SMYD3: variants seen among roughly 807,000 people sequenced by gnomAD.
SMYD3 encodes SET and MYND domain containing 3, also known as histone-lysine N-methyltransferase SMYD3.
A neutral mutation model predicts 57.7 loss-of-function variants in SMYD3; 36 were observed. That is an observed-to-expected ratio of 0.62 (90% CI 0.48 to 0.82). The LOEUF is 0.82. Ranked by LOEUF, SMYD3 falls within the 40% of genes least tolerant of loss-of-function variation. The pLI, the probability that SMYD3 is intolerant of heterozygous loss-of-function variation, is 0.00. For missense variants in SMYD3, 515 were observed against 538.8 expected, an observed-to-expected ratio of 0.96 and a Z score of 0.44; for synonymous variants, 211 against 195.0, an observed-to-expected ratio of 1.08 and a Z score of -0.68.
chr1:246,479,429 T>C (rs1195299259), intron 1 of SMYD3, among the ~76,000 whole-genome samples: 1 of 151,924 alleles, frequency 6.6e-6, no homozygotes, highest in Non-Finnish European at 1.5e-5. Flanking sequence ...ATCTTGCCAC[T>C]GGCATCCTGC....
Position 245,754,117 on chromosome 1 carries a change from C to T in SMYD3, c.1186-4453G>A, listed in dbSNP as rs189177406. 1.0e-3 allele frequency among the ~76,000 whole-genome samples: 156 copies of T among 152,216 alleles called. 2 individuals carry two copies. The highest frequency in any genetic ancestry group is 3.5e-3 in the African/African-American group (146 of 41,524). ...TGCCACATTACAGGCATACAGTTAA[C>T]TCAGTAATAGAGAAAGGGTCCCCAG... On this transcript the variant is annotated intron_variant, in intron 11 of 11. Coordinates refer to ENST00000490107, the MANE Select transcript of SMYD3 (RefSeq NM_001167740.2).
intron 10 of SMYD3, among the ~76,000 whole-genome samples, chr1:245,840,748 G>GT (rs1001595970): frequency 6.8e-5 from 10 of 147,218 alleles, no homozygotes; most frequent in Non-Finnish European, 1.2e-4. Context: ...AACAGACATG[G>GT]TTAAAAAAAA....
At chr1:245,939,071 A>G (rs1385924128) in intron 5 of SMYD3, among the ~76,000 whole-genome samples, 1 of 152,060 alleles carries the variant, frequency 6.6e-6, no homozygotes, top group Non-Finnish European at 1.5e-5. Context: ...TGAACCTAGG[A>G]AGTGGAGGTT....
chr1:245,793,300 C>T (rs931587231), intron 10 of SMYD3, among the ~76,000 whole-genome samples: 2 of 137,666 alleles, frequency 1.5e-5, no homozygotes, highest in African/African-American at 5.4e-5. Context: ...GACTCCGTCC[C>T]AAAAAAAAAA....
chr1:246,502,143 TTTTC>T (rs2068465435), intron 1 of SMYD3, among the ~76,000 whole-genome samples: 1 of 151,332 alleles, frequency 6.6e-6, no homozygotes. Context: ...GCCTTTTTTT[TTTTC>T]TTTTTTTTTG....
chr1:246,336,062 T>G (rs1343786933), intron 2 of SMYD3, among the ~76,000 whole-genome samples: 3 of 152,218 alleles, frequency 2.0e-5, no homozygotes, highest in African/African-American at 7.2e-5. Context: ...TGTCCTGGCT[T>G]AAATATTAAT....
At chr1:246,399,819 A>C (rs1195681080) in intron 1 of SMYD3, among the ~76,000 whole-genome samples, 1 of 152,256 alleles carries the variant, frequency 6.6e-6, no homozygotes, top group Non-Finnish European at 1.5e-5. Context: ...AGGCTATGAG[A>C]TGTATTAACA....
intron 5 of SMYD3, among the ~76,000 whole-genome samples, chr1:246,237,639 A>G (rs1398449283): frequency 6.6e-6 from 1 of 152,242 alleles, no homozygotes; most frequent in African/African-American, 2.4e-5. Flanking sequence ...ATGACATTTT[A>G]AAAGTCCCTG....
intron 10 of SMYD3, among the ~76,000 whole-genome samples, chr1:245,797,268 GA>G (rs938090031): frequency 6.6e-6 from 1 of 152,024 alleles, no homozygotes; most frequent in Admixed American, 6.6e-5. Flanking sequence ...CAAAGACTTG[GA>G]ACCAACCCAA....
At chr1:246,049,424 G>C (rs1475470545) in intron 5 of SMYD3, among the ~76,000 whole-genome samples, 3 of 151,524 alleles carry the variant, frequency 2.0e-5, no homozygotes, top group Non-Finnish European at 4.4e-5. Context: ...AGCCTCCCCA[G>C]TAGCTAGGAC....
chr1:245,867,678 A>T (rs147763848), intron 8 of SMYD3, among the ~76,000 whole-genome samples: 3 of 151,786 alleles, frequency 2.0e-5, no homozygotes, highest in African/African-American at 7.2e-5. Flanking sequence ...GCACACACAC[A>T]CACACACACA....
intron 5 of SMYD3, among the ~76,000 whole-genome samples, chr1:245,967,387 C>T (rs1418241407): frequency 6.6e-6 from 1 of 152,188 alleles, no homozygotes; most frequent in African/African-American, 2.4e-5. Flanking sequence ...TAAATTTTCA[C>T]ATGTAGACCT....
chr1:246,147,255 G>A (rs6426281), intron 5 of SMYD3, among the ~76,000 whole-genome samples: 44,620 of 123,222 alleles, frequency 0.36, 8,523 homozygotes, highest in East Asian at 0.83. Flanking sequence ...TCGCCTTCAG[G>A]AACGGCAGCA....
At chr1:246,015,931 T>C (rs760592341) in intron 5 of SMYD3, among the ~76,000 whole-genome samples, 2 of 152,218 alleles carry the variant, frequency 1.3e-5, no homozygotes, top group Non-Finnish European at 2.9e-5. Flanking sequence ...AGAGAACTGC[T>C]GGATCATATA....
chr1:246,115,032 T>C (rs2061321030), intron 5 of SMYD3, among the ~76,000 whole-genome samples: 1 of 152,230 alleles, frequency 6.6e-6, no homozygotes, highest in Non-Finnish European at 1.5e-5. Context: ...AGGCGGAGCC[T>C]GAAGGAGGCC....
chr1:246,461,495 T>C (rs1385133591), intron 1 of SMYD3, among the ~76,000 whole-genome samples: 1 of 152,034 alleles, frequency 6.6e-6, no homozygotes, highest in Non-Finnish European at 1.5e-5. Context: ...AAAATAGAAA[T>C]CATATAAAGC....
intron 5 of SMYD3, among the ~76,000 whole-genome samples, chr1:245,994,671 C>T (rs2058886970): frequency 6.6e-6 from 1 of 152,132 alleles, no homozygotes; most frequent in Non-Finnish European, 1.5e-5. Flanking sequence ...CATAAAATGA[C>T]TTTTTATGCC....
At chr1:245,965,992 G>T (rs532949550) in intron 5 of SMYD3, among the ~76,000 whole-genome samples, 10 of 152,076 alleles carry the variant, frequency 6.6e-5, no homozygotes, top group African/African-American at 2.2e-4. Context: ...AATGGCCAAG[G>T]GTTATATGGG....
chr1:246,060,506 TTTC>T (rs1307687921), intron 5 of SMYD3, among the ~76,000 whole-genome samples: 1 of 152,128 alleles, frequency 6.6e-6, no homozygotes, highest in Non-Finnish European at 1.5e-5. Context: ...GCAAAATGTC[TTTC>T]TTGATTTCTG....
Sources: allele counts gnomAD v4.1 joint callset (sites outside exome capture counted in the v4.1 genomes callset), GRCh38; gene constraint gnomAD v4.1.1; transcripts MANE v1.5; gene names NCBI Gene and HGNC (gene_info 2026-07-23, HGNC 2026-07-21).